The following CD36 variants were observed in gnomAD, a reference collection of about 807,000 sequenced individuals.
CD36 encodes platelet glycoprotein 4.
Under a neutral mutation model 55.2 loss-of-function variants are expected in CD36, and 119 were observed. The observed-to-expected ratio is 2.15, with a 90% CI of 1.86 to 2.51. The LOEUF is 2.51. Among genes scored for constraint, CD36 ranks in the 30% most tolerant of loss-of-function variants. CD36 has a pLI of 0.00. For synonymous variants in CD36, 186 were observed against 193.6 expected, an observed-to-expected ratio of 0.96 and a Z score of 0.33; for missense variants, 819 against 555.5, an observed-to-expected ratio of 1.47 and a Z score of -4.77.
At position 80,671,162 on chromosome 7, in the gene CD36, A is replaced by G; in HGVS notation, c.1004A>G (p.Glu335Gly). 1 of 1,598,766 alleles carries G rather than the reference A, an allele frequency of 6.3e-7. No individual in the cohort carries two copies. Among genetic ancestry groups the G allele is most frequent in the East Asian group, 2.2e-5 (1 of 44,664 alleles). Reference sequence around the variant, plus strand: ...GTGCTAGACATCAGCAAATGCAAAGAAGGTGAGTAAATAACCTCAGTAGCA... The same window carrying G: ...GTGCTAGACATCAGCAAATGCAAAGGAGGTGAGTAAATAACCTCAGTAGCA... The part of the protein sequence containing the change: ...YGVLDISKCK[E>G]GRPVYISLPH... Residue 335 changes from glutamate (E) to glycine (G), a missense_variant and splice_region_variant, in exon 10 of 15, where the codon GAA becomes GGA. By Grantham distance (98) the Glu-to-Gly change is moderately conservative. Coordinates refer to ENST00000447544, the MANE Select transcript of CD36 (RefSeq NM_001001548.3).
chr7:80,658,451 T>G (rs1466381913), intron 4 of CD36, among the ~76,000 whole-genome samples: 1 of 152,074 alleles, frequency 6.6e-6, no homozygotes, highest in East Asian at 1.9e-4. Flanking sequence ...TCATGATTTT[T>G]TTTGTTTGTT....
intron 7 of CD36, among the ~76,000 whole-genome samples, chr7:80,664,931 G>A (rs1257607464): frequency 3.3e-5 from 5 of 150,870 alleles, no homozygotes; most frequent in South Asian, 4.2e-4. Context: ...CGAGCATATC[G>A]AATTCCATAT....
Position 80,674,129 on chromosome 7 carries a change from A to G in CD36, c.1401A>G (p.Arg467=). The part of the protein sequence containing the change: ...VAFMISYCAC[R]SKTIK ...TTATGATTTCATATTGTGCATGCAGATCGAAAACAATAAAATAAGTAAGTA... is the reference window on the plus strand; with the variant it reads ...TTATGATTTCATATTGTGCATGCAGGTCGAAAACAATAAAATAAGTAAGTA... The change falls in exon 14 of 15, where the codon AGA becomes AGG. Residue 467 remains arginine (R), a synonymous_variant. Transcript: ENST00000447544. The G allele has an allele frequency of 6.2e-7, 1 of 1,611,336 alleles. No individual in the cohort carries two copies. The highest frequency in any genetic ancestry group is 8.5e-7 in the Non-Finnish European group (1 of 1,178,082).
intron 1 of CD36, among the ~76,000 whole-genome samples, chr7:80,604,721 T>G (rs1792447852): frequency 6.6e-6 from 1 of 152,048 alleles, no homozygotes. Context: ...CTTGTGATGT[T>G]TAAAGGTGAA....
At chr7:80,609,120 G>A (rs1388006496) in intron 1 of CD36, among the ~76,000 whole-genome samples, 3 of 152,098 alleles carry the variant, frequency 2.0e-5, no homozygotes, top group Non-Finnish European at 4.4e-5. Context: ...ACGAGAGAAT[G>A]AATTCCAGGT....
At chr7:80,671,863 G>GTTATATGTGAAATGAAGGAAGTTA in intron 10 of CD36, 59 bp from the exon 11 acceptor site, 1 of 1,501,010 alleles carries the variant, frequency 6.7e-7, no homozygotes, top group East Asian at 2.3e-5. Flanking sequence ...TATTTTTTGA[G>GTTATATGTGAAATGAAGGAAGTTA]TTATATGTGA....
At chr7:80,672,118 A>T in intron 11 of CD36, 78 bp downstream of exon 11, 1 of 1,165,090 alleles carries the variant, frequency 8.6e-7, no homozygotes, top group Admixed American at 1.8e-5. Context: ...CTTGTCGATG[A>T]TTATTTATTC....
At chr7:80,665,764 C>T (rs1248896809) in intron 7 of CD36, 1 of 152,104 alleles carries the variant, frequency 6.6e-6, no homozygotes, top group Admixed American at 6.6e-5. Flanking sequence ...TGACATGTCA[C>T]TGTCAGGAGT....
At position 80,664,491 on chromosome 7, in the gene CD36, G is replaced by GTAA. The variant is rs745642173; in HGVS notation, c.696_698dup (p.Gly232_Lys233insAsn). ...GTTGCCATAATCGACACATATAAAG[G>GTAA]TAAAAGGTAAGTATTCTGGTAAAAT... is the stretch of plus-strand genomic sequence containing the variant. On this transcript the variant is annotated inframe_insertion, in exon 7 of 15. Transcript: ENST00000447544. 1.7e-5 allele frequency: 26 copies of GTAA among 1,518,210 alleles called. No homozygotes were observed. In the African/African-American group the frequency reaches 3.0e-4, roughly 18 times the overall value. 94.0% of individuals were successfully genotyped at this position (1,518,210 alleles called of 1,614,324 possible).
chr7:80,676,392 C>G lies in CD36; in HGVS notation c.*9C>G, dbSNP rs1443858441. 3 of 152,092 alleles carry G rather than the reference C, an allele frequency of 2.0e-5. No homozygotes were observed. Among genetic ancestry groups the G allele is most frequent in the Non-Finnish European group, 2.9e-5 (2 of 68,012 alleles). The allele number at this position is 152,092 out of a possible 1,614,324, so 9.4% of individuals were successfully genotyped here. On this transcript the variant is annotated 3_prime_UTR_variant, in exon 15 of 15. Coordinates refer to ENST00000447544, the MANE Select transcript of CD36 (RefSeq NM_001001548.3). ...GATTTCCGTTTCTACAGACCTGGCT[C>G]AAGCACAAACCAATTTGTGTTGTTC...
intron 8 of CD36, among the ~76,000 whole-genome samples, chr7:80,667,708 A>C (rs899409877): frequency 2.7e-5 from 4 of 150,060 alleles, no homozygotes; most frequent in South Asian, 4.2e-4. Flanking sequence ...AACAAAAAAA[A>C]CAGCAAAAAC....
chr7:80,608,399 C>A (rs1420485141), intron 1 of CD36, among the ~76,000 whole-genome samples: 3 of 152,106 alleles, frequency 2.0e-5, no homozygotes, highest in African/African-American at 7.2e-5. Context: ...TGACCTCTGG[C>A]AAGTTAGTAA....
intron 1 of CD36, among the ~76,000 whole-genome samples, chr7:80,603,321 C>G (rs1344881896): frequency 6.6e-6 from 1 of 152,056 alleles, no homozygotes; most frequent in Non-Finnish European, 1.5e-5. Flanking sequence ...GCTTCTTTGC[C>G]TTTACAAAAA....
intron 1 of CD36, among the ~76,000 whole-genome samples, chr7:80,617,916 C>T (rs1319420794): frequency 6.6e-6 from 1 of 151,976 alleles, no homozygotes; most frequent in Non-Finnish European, 1.5e-5. Context: ...GTTGGTCATG[C>T]CTAAATTCAT....
chr7:80,616,703 A>G (rs1469302137), intron 1 of CD36, among the ~76,000 whole-genome samples: 6 of 152,188 alleles, frequency 3.9e-5, no homozygotes, highest in African/African-American at 1.4e-4. Context: ...TAAGGAGTCA[A>G]CAGACTGAAT....
At chr7:80,672,978 A>G in intron 12 of CD36, 135 bp downstream of exon 12, 1 of 697,198 alleles carries the variant, frequency 1.4e-6, no homozygotes, top group East Asian at 2.7e-5. Flanking sequence ...AATGTCACCA[A>G]TCATTATTAA....
intron 1 of CD36, among the ~76,000 whole-genome samples, chr7:80,628,698 G>A (rs561041003): frequency 2.0e-5 from 3 of 152,110 alleles, no homozygotes; most frequent in African/African-American, 7.2e-5. Flanking sequence ...AAATACCTAA[G>A]ACAGATCCCA....
At position 80,642,131 on chromosome 7, in the gene CD36, C is replaced by G. The variant is rs10252678; in HGVS notation, c.-184+3385C>G. On this transcript the variant is annotated intron_variant, in intron 1 of 14. Transcript: ENST00000447544. ...CTATTAAAACACGTCTTCTTATTTT[C>G]CCTTTCTTCTTTATACAAGTCTCAA... Among the ~76,000 whole-genome samples, 529 of 152,120 alleles carry G rather than the reference C, an allele frequency of 3.5e-3. 3 individuals carry two copies. The highest frequency in any genetic ancestry group is 0.012 in the African/African-American group (503 of 41,502).
intron 11 of CD36, among the ~76,000 whole-genome samples, chr7:80,672,421 G>A (rs993951126): frequency 2.0e-5 from 3 of 151,620 alleles, no homozygotes; most frequent in Non-Finnish European, 4.4e-5. Flanking sequence ...TAGTAGTTAT[G>A]TTTTAGTTTA....
Sources: allele counts gnomAD v4.1 joint callset (sites outside exome capture counted in the v4.1 genomes callset), GRCh38; gene constraint gnomAD v4.1.1; transcripts MANE v1.5; gene names NCBI Gene and HGNC (gene_info 2026-07-23, HGNC 2026-07-21).